CAMK4: variants seen among roughly 807,000 people sequenced by gnomAD.
The protein encoded by CAMK4 is calcium/calmodulin-dependent protein kinase type IV.
Under a neutral mutation model 44.9 loss-of-function variants are expected in CAMK4, and 22 were observed. That is an observed-to-expected ratio of 0.49 (90% CI 0.35 to 0.70). CAMK4 has a LOEUF of 0.70. Ranked by LOEUF, CAMK4 falls within the 30% of genes least tolerant of loss-of-function variation. The pLI is 0.01. For synonymous variants in CAMK4, 218 were observed against 215.4 expected (o/e 1.01, Z -0.11); for missense variants, 498 against 586.8 (o/e 0.85, Z 1.56).
chr5:111,282,356 A>G (rs575542468), intron 1 of CAMK4, among the ~76,000 whole-genome samples: 1 of 152,178 alleles, frequency 6.6e-6, no homozygotes, highest in Non-Finnish European at 1.5e-5. Flanking sequence ...CCCATTAACT[A>G]CTGGTAATTA....
chr5:111,279,925 C>T (rs1396487181), intron 1 of CAMK4, among the ~76,000 whole-genome samples: 1 of 152,110 alleles, frequency 6.6e-6, no homozygotes, highest in African/African-American at 2.4e-5. Flanking sequence ...TAGGATCATT[C>T]CTGATGAGCT....
At chr5:111,325,045 T>A (rs1437445741) in intron 1 of CAMK4, among the ~76,000 whole-genome samples, 1 of 151,036 alleles carries the variant, frequency 6.6e-6, no homozygotes, top group Non-Finnish European at 1.5e-5. Flanking sequence ...TTCCCCTCCC[T>A]GTGTCTTTGT....
intron 4 of CAMK4, among the ~76,000 whole-genome samples, chr5:111,386,859 C>G (rs1455808370): frequency 6.6e-6 from 1 of 150,786 alleles, no homozygotes; most frequent in Admixed American, 6.6e-5. Flanking sequence ...GTCTGCTAGG[C>G]CCCCTGGCAG....
intron 1 of CAMK4, among the ~76,000 whole-genome samples, chr5:111,276,877 T>C (rs530074460): frequency 6.6e-6 from 1 of 152,310 alleles, no homozygotes; most frequent in South Asian, 2.1e-4. Flanking sequence ...TGACCATCTT[T>C]CCATTATCAT....
intron 5 of CAMK4, among the ~76,000 whole-genome samples, chr5:111,418,487 A>C (rs1055006546): frequency 3.3e-5 from 5 of 151,994 alleles, no homozygotes; most frequent in Non-Finnish European, 1.5e-5. Context: ...ACATGTGCAC[A>C]ATGTGCAGAT....
At chr5:111,363,165 C>A (rs752357418) in intron 2 of CAMK4, among the ~76,000 whole-genome samples, 21 of 152,010 alleles carry the variant, frequency 1.4e-4, no homozygotes, top group Non-Finnish European at 5.9e-5. Context: ...TTATATTTTT[C>A]CAAGTGTTCT....
At chr5:111,396,111 C>T (rs1485150356) in intron 5 of CAMK4, among the ~76,000 whole-genome samples, 1 of 151,890 alleles carries the variant, frequency 6.6e-6, no homozygotes, top group Non-Finnish European at 1.5e-5. Context: ...GCCTCTGTAC[C>T]AATGATGAAA....
intron 1 of CAMK4, among the ~76,000 whole-genome samples, chr5:111,300,741 T>C (rs1356840079): frequency 6.6e-6 from 1 of 152,168 alleles, no homozygotes; most frequent in Non-Finnish European, 1.5e-5. Context: ...AGAGATGTTA[T>C]AAAAAAGTAT....
At chr5:111,251,441 A>G (rs1464099853) in intron 1 of CAMK4, among the ~76,000 whole-genome samples, 1 of 152,168 alleles carries the variant, frequency 6.6e-6, no homozygotes, top group Non-Finnish European at 1.5e-5. Context: ...TCAGAACCTA[A>G]AAAAACTCCA....
rs114812033 is a variant in CAMK4 at position 111,227,786 on chromosome 5, A to G, written c.161+3142A>G. The stretch of plus-strand genomic sequence containing the variant: ...AAGTATCAGGCAAAGTAATTTTCCT[A>G]AAATCACATTTGAAGACACTGTTTT... On this transcript the variant is annotated intron_variant, in intron 1 of 10. Coordinates refer to ENST00000282356, the MANE Select transcript of CAMK4 (RefSeq NM_001744.6). 5.7e-3 allele frequency among the ~76,000 whole-genome samples: 869 copies of G among 152,352 alleles called. 9 individuals carry two copies. Among genetic ancestry groups the G allele is most frequent in the African/African-American group, 0.02 (849 of 41,584 alleles).
intron 4 of CAMK4, among the ~76,000 whole-genome samples, chr5:111,387,913 C>T (rs1306204578): frequency 6.6e-6 from 1 of 152,212 alleles, no homozygotes; most frequent in East Asian, 1.9e-4. Flanking sequence ...TCACTAGCAT[C>T]TTCACTTGCA....
At chr5:111,443,242 C>CTATATA (rs1753888099) in intron 5 of CAMK4, among the ~76,000 whole-genome samples, 1 of 65,824 alleles carries the variant, frequency 1.5e-5, no homozygotes. Context: ...CCTCCCCCTA[C>CTATATA]CATATATATA....
chr5:111,367,473 TAA>T (rs1371287205), intron 2 of CAMK4, among the ~76,000 whole-genome samples: 1 of 152,026 alleles, frequency 6.6e-6, no homozygotes, highest in Non-Finnish European at 1.5e-5. Flanking sequence ...TAGTAACAGA[TAA>T]AAACTCTAGA....
At chr5:111,358,273 G>A (rs1218790049) in intron 2 of CAMK4, 1 of 152,066 alleles carries the variant, frequency 6.6e-6, no homozygotes, top group Admixed American at 6.6e-5. Context: ...AAACAACTGG[G>A]AACTGTGAGA....
chr5:111,308,377 A>T (rs1349498874), intron 1 of CAMK4, among the ~76,000 whole-genome samples: 1 of 152,216 alleles, frequency 6.6e-6, no homozygotes, highest in Non-Finnish European at 1.5e-5. Context: ...AATATATAAA[A>T]CATATAAAAT....
intron 1 of CAMK4, among the ~76,000 whole-genome samples, chr5:111,321,927 A>T (rs945357260): frequency 6.6e-6 from 1 of 152,146 alleles, no homozygotes; most frequent in Non-Finnish European, 1.5e-5. Flanking sequence ...ATGCATAAAG[A>T]ATAAACATAT....
At chr5:111,323,819 T>C (rs770037560) in intron 1 of CAMK4, among the ~76,000 whole-genome samples, 3 of 152,078 alleles carry the variant, frequency 2.0e-5, no homozygotes, top group Non-Finnish European at 4.4e-5. Flanking sequence ...TAGAAATCAG[T>C]GAAGAGCATG....
At chr5:111,261,073 T>C (rs1305561026) in intron 1 of CAMK4, among the ~76,000 whole-genome samples, 1 of 152,206 alleles carries the variant, frequency 6.6e-6, no homozygotes, top group Non-Finnish European at 1.5e-5. Context: ...TTGTCTTTAT[T>C]CCTAGAATGC....
intron 1 of CAMK4, among the ~76,000 whole-genome samples, chr5:111,253,891 C>A (rs2112546351): frequency 6.6e-6 from 1 of 152,242 alleles, no homozygotes; most frequent in East Asian, 1.9e-4. Flanking sequence ...AGTCAACTCA[C>A]TATTTAAACC....
Sources: allele counts gnomAD v4.1 joint callset (sites outside exome capture counted in the v4.1 genomes callset), GRCh38; gene constraint gnomAD v4.1.1; transcripts MANE v1.5; gene names NCBI Gene and HGNC (gene_info 2026-07-23, HGNC 2026-07-21).